ZFHX3: variants seen among roughly 807,000 people sequenced by gnomAD.
ZFHX3 encodes the protein zinc finger homeobox protein 3.
Under a neutral mutation model 279.1 loss-of-function variants are expected in ZFHX3, and 42 were observed. The observed-to-expected ratio is 0.15, with a 90% confidence interval of 0.12 to 0.19. The LOEUF (loss-of-function observed/expected upper bound fraction) is 0.19, where lower values mean the gene tolerates loss of function less well. ZFHX3 is among the 10% of genes least tolerant of loss of function. ZFHX3 has a pLI of 1.00. For synonymous variants in ZFHX3, 2,293 were observed against 1,957.8 expected (o/e 1.17, Z -4.52); for missense variants, 4,981 against 4,754.0 (o/e 1.05, Z -1.40).
At chr16:73,631,629 G>C (rs2052469662) in intron 2 of ZFHX3, among the ~76,000 whole-genome samples, 1 of 152,016 alleles carries the variant, frequency 6.6e-6, no homozygotes, top group Non-Finnish European at 1.5e-5. Context: ...CTCTGGCTGG[G>C]CGCAGTGGCT....
chr16:73,072,921 G>C (rs185609184), intron 8 of ZFHX3, among the ~76,000 whole-genome samples: 1 of 151,080 alleles, frequency 6.6e-6, no homozygotes, highest in East Asian at 1.9e-4. Context: ...TATTTGAGAC[G>C]GAGTCTCACT....
intron 4 of ZFHX3, among the ~76,000 whole-genome samples, chr16:73,310,580 A>G (rs2015301610): frequency 6.6e-6 from 1 of 152,218 alleles, no homozygotes; most frequent in Non-Finnish European, 1.5e-5. Flanking sequence ...TGCTGCTGAC[A>G]TCTAATAGGT....
chr16:73,864,591 C>A (rs1032588986), intron 1 of ZFHX3, among the ~76,000 whole-genome samples: 2 of 152,028 alleles, frequency 1.3e-5, no homozygotes, highest in African/African-American at 4.8e-5. Flanking sequence ...TCGTGGCTGG[C>A]GCCTGTAGTC....
In ZFHX3 at chr16:72,959,391, T is replaced by C. The variant is rs1426346277; in HGVS notation, c.755A>G (p.Lys252Arg). 1.2e-6 allele frequency: 2 copies of C among 1,614,110 alleles called. No homozygotes were observed. Among genetic ancestry groups the C allele is most frequent in the East Asian group, 2.2e-5 (1 of 44,890 alleles). The change falls in exon 2 of 10, where the codon AAA becomes AGA. Residue 252 changes from lysine (K) to arginine (R), a missense_variant. Physicochemically the swap from Lys to Arg is conservative, Grantham distance 26 (BLOSUM62 2). Coordinates refer to ENST00000268489, the MANE Select transcript of ZFHX3 (RefSeq NM_006885.4). ...KDYLNSDGSA[K>R]SSCVSKDVPN... ...AACATCTTTGGATACGCAGGAGCTT[T>C]TGGCAGAACCGTCGCTGTTCAGGTA...
chr16:73,487,544 G>A (rs1387645909), intron 2 of ZFHX3: 7 of 328,480 alleles, frequency 2.1e-5, no homozygotes, highest in South Asian at 1.7e-4. Context: ...GGGACCACAG[G>A]CACATGCCAC....
Position 72,793,733 on chromosome 16 carries a change from A to G in ZFHX3, c.8949T>C (p.Ile2983=). The G allele has an allele frequency of 3.1e-6, 5 of 1,614,176 alleles. No homozygotes were observed. Among genetic ancestry groups the G allele is most frequent in the African/African-American group, 2.7e-5 (2 of 75,038 alleles). ...CCTGAACGACTCTCTTTGGCAGTCC[A>G]ATGTCATTGCCCAGGACCTCACATT... The part of the protein sequence containing the change: ...MLECEVLGND[I]GLPKRVVQVW... Residue 2983 remains isoleucine (I), a synonymous_variant, in exon 9 of 10, where the codon ATT becomes ATC. Transcript: ENST00000268489. This position sits in a 1 kb window ranked among gnomAD's most constrained non-coding sequence, Gnocchi z 4.3.
rs200506855 is a variant in ZFHX3, at chr16:73,778,720, A to T, written c.-1607-98480T>A. On this transcript the variant is annotated intron_variant, in intron 1 of 17. Transcript: ENST00000641206. The stretch of plus-strand genomic sequence containing the variant: ...TGAAGCGCCTTGCTGTTGCCTTCCA[A>T]GAGCTTACAGTTTCTTCTGATGAAA... Among the ~76,000 whole-genome samples the T allele has an allele frequency of 3.3e-5, 5 of 152,318 alleles. No homozygotes were observed. In the East Asian group the frequency reaches 9.6e-4, roughly 29 times the overall value.
At chr16:72,862,034 G>A (rs150723407) in intron 4 of ZFHX3, among the ~76,000 whole-genome samples, 324 of 152,222 alleles carry the variant, frequency 2.1e-3, no homozygotes, top group Non-Finnish European at 3.5e-3. Context: ...AGAATAGATA[G>A]AACTGGAATT....
intron 3 of ZFHX3, chr16:73,401,773 C>T (rs2017260894): frequency 6.6e-6 from 1 of 152,176 alleles, no homozygotes; most frequent in South Asian, 2.1e-4. Context: ...ACCTATCATT[C>T]TGCATAGATA....
At chr16:73,870,541 A>G (rs1333710571) in intron 1 of ZFHX3, among the ~76,000 whole-genome samples, 1 of 151,038 alleles carries the variant, frequency 6.6e-6, no homozygotes, top group African/African-American at 2.5e-5. Context: ...GAATAGCCAG[A>G]CAAGTGCCCA....
chr16:73,791,489 A>T (rs1959823514), intron 1 of ZFHX3, among the ~76,000 whole-genome samples: 2 of 151,968 alleles, frequency 1.3e-5, no homozygotes, highest in African/African-American at 4.8e-5. Context: ...CAGCGGCGCC[A>T]TCTTGGCTCA....
chr16:73,360,471 T>G (rs1597300771), intron 3 of ZFHX3, among the ~76,000 whole-genome samples: 1 of 152,328 alleles, frequency 6.6e-6, no homozygotes, highest in East Asian at 1.9e-4. Flanking sequence ...TCCGAGTAGC[T>G]GGGATTACAG....
intron 1 of ZFHX3, among the ~76,000 whole-genome samples, chr16:73,717,661 T>C (rs947777269): frequency 6.6e-6 from 1 of 152,154 alleles, no homozygotes; most frequent in African/African-American, 2.4e-5. Flanking sequence ...CTCTCCTTCA[T>C]CTCCGAGTTC....
At chr16:73,036,151 GTCTC>G (rs758615850) in intron 1 of ZFHX3, among the ~76,000 whole-genome samples, 41 of 151,150 alleles carry the variant, frequency 2.7e-4, no homozygotes, top group Non-Finnish European at 4.1e-4. Context: ...CTCTCTCTCT[GTCTC>G]TCTCTCTCTC....
chr16:73,541,833 C>T (rs1258483282), intron 2 of ZFHX3, among the ~76,000 whole-genome samples: 1 of 130,554 alleles, frequency 7.7e-6, no homozygotes, highest in Non-Finnish European at 1.6e-5. Context: ...GATGGAGTCT[C>T]ACTCTGTCAC....
intron 3 of ZFHX3, among the ~76,000 whole-genome samples, chr16:73,345,631 G>A (rs755719399): frequency 3.9e-5 from 6 of 151,982 alleles, no homozygotes; most frequent in East Asian, 1.9e-4. Flanking sequence ...TTCTTTATCC[G>A]CTTTATCACT....
chr16:73,173,797 G>C (rs981370363), intron 5 of ZFHX3, among the ~76,000 whole-genome samples: 4 of 152,176 alleles, frequency 2.6e-5, no homozygotes, highest in Non-Finnish European at 5.9e-5. Context: ...CCCATGAAGG[G>C]AACGCTATAG....
Position 73,793,690 on chromosome 16 carries a change from AT to A in ZFHX3, c.-1608+97960del, listed in dbSNP as rs962137956. Among the ~76,000 whole-genome samples, 7 of 151,168 alleles carry A rather than the reference AT, an allele frequency of 4.6e-5. No homozygotes were observed. The East Asian group carries it at 5.8e-4, about 13-fold the overall frequency. ...CAAGTCTTGCCCTAATACAGCATCT[AT>A]TTTTTTTTCCAAAAGATCAGACCTT... is the stretch of plus-strand genomic sequence containing the variant. On this transcript the variant is annotated intron_variant, in intron 1 of 17. Transcript: ENST00000641206.
chr16:73,151,962 G>A (rs938739144), intron 5 of ZFHX3, among the ~76,000 whole-genome samples: 17 of 149,702 alleles, frequency 1.1e-4, no homozygotes, highest in African/African-American at 3.2e-4. Context: ...GGAGAGGGGC[G>A]GAGAAGAGAG....
Sources: gnomAD v4.1 joint callset for allele counts (sites outside exome capture counted in the v4.1 genomes callset) on GRCh38, gnomAD v4.1.1 for gene constraint, Gnocchi (gnomAD v3.1) non-coding constraint, MANE v1.5 for transcripts, NCBI Gene and HGNC (gene_info 2026-07-23, HGNC 2026-07-21) for gene names.